TRAPPC9: variants seen among roughly 807,000 people sequenced by gnomAD.
TRAPPC9 encodes the protein trafficking protein particle complex subunit 9, also known as IKK2 binding protein.
TRAPPC9 carries 83 observed loss-of-function variants against 124.0 expected under a neutral mutation model. That is an observed-to-expected ratio of 0.67 (90% confidence interval 0.56 to 0.80). The LOEUF is 0.80. Ranked by LOEUF, TRAPPC9 falls within the 30% of genes least tolerant of loss-of-function variation. The pLI is 0.00. For synonymous variants in TRAPPC9, 638 were observed against 617.5 expected (o/e 1.03, Z -0.49); for missense variants, 1,302 against 1,508.3 (o/e 0.86, Z 2.27).
At chr8:139,931,819 G>A (rs1289424917) in intron 19 of TRAPPC9, 5 of 173,264 alleles carry the variant, frequency 2.9e-5, no homozygotes, top group South Asian at 1.5e-4. Context: ...AGGGAAACAC[G>A]AACAAAAGGA....
At chr8:139,846,317 G>C (rs28505439) in intron 21 of TRAPPC9, among the ~76,000 whole-genome samples, 42,459 of 152,162 alleles carry the variant, frequency 0.28, 6,407 homozygotes, top group East Asian at 0.64. Context: ...CCCGCAGCAG[G>C]CAGCACTGCG....
At chr8:139,795,553 C>T (rs1265322433) in intron 21 of TRAPPC9, among the ~76,000 whole-genome samples, 1 of 57,294 alleles carries the variant, frequency 1.7e-5, no homozygotes, top group African/African-American at 7.4e-5. Context: ...CAAAGCTGGG[C>T]AGGGAGGGGG....
chr8:139,802,695 T>C (rs1823623282), intron 21 of TRAPPC9, among the ~76,000 whole-genome samples: 2 of 152,240 alleles, frequency 1.3e-5, no homozygotes, highest in Non-Finnish European at 2.9e-5. Context: ...TAGTATTCAT[T>C]GCTGACGATG....
At chr8:140,274,814 T>G (rs2065062881) in intron 15 of TRAPPC9, among the ~76,000 whole-genome samples, 1 of 152,142 alleles carries the variant, frequency 6.6e-6, no homozygotes, top group South Asian at 2.1e-4. Flanking sequence ...GATTAGTACA[T>G]CATCTACTGG....
chr8:140,317,083 T>C (rs568243521), intron 9 of TRAPPC9, among the ~76,000 whole-genome samples: 1 of 152,340 alleles, frequency 6.6e-6, no homozygotes, highest in Non-Finnish European at 1.5e-5. Flanking sequence ...TTTTGATCTC[T>C]GATTTTATTG....
chr8:139,919,549 T>C (rs1339808785), intron 19 of TRAPPC9, among the ~76,000 whole-genome samples: 2 of 152,184 alleles, frequency 1.3e-5, no homozygotes, highest in East Asian at 1.9e-4. Flanking sequence ...TAAAGGAAGT[T>C]ATCATGATAA....
intron 6 of TRAPPC9, among the ~76,000 whole-genome samples, chr8:140,401,915 T>C (rs2069290059): frequency 6.6e-6 from 1 of 151,152 alleles, no homozygotes; most frequent in Non-Finnish European, 1.5e-5. Context: ...CATGAGCCAT[T>C]GCACTCAACC....
intron 20 of TRAPPC9, among the ~76,000 whole-genome samples, chr8:139,890,854 A>T (rs530836622): frequency 1.4e-4 from 22 of 152,046 alleles, no homozygotes; most frequent in African/African-American, 5.1e-4. Flanking sequence ...AATAAAAAAT[A>T]AAAAAATTTA....
Position 140,451,355 on chromosome 8 carries a change from T to G in TRAPPC9, c.19A>C (p.Met7Leu). The G allele has an allele frequency of 1.2e-6, 2 of 1,604,366 alleles. No individual in the cohort carries two copies. Among genetic ancestry groups the G allele is most frequent in the South Asian group, 2.2e-5 (2 of 91,052 alleles). The change falls in exon 2 of 23, where the codon ATG becomes CTG. Residue 7 changes from methionine to leucine, a missense_variant. Transcript: ENST00000438773. Reference sequence around the variant, plus strand: ...GTCTGGTGGTCCTCAGCACACTGCATGTAGTCAGGGACGCTCATTTTGAAG... The same window carrying G: ...GTCTGGTGGTCCTCAGCACACTGCAGGTAGTCAGGGACGCTCATTTTGAAG... MSVPDY[M>L]QCAEDHQTLL...
At chr8:140,242,856 G>A (rs549265094) in intron 16 of TRAPPC9, among the ~76,000 whole-genome samples, 558 of 152,322 alleles carry the variant, frequency 3.7e-3, no homozygotes, top group Non-Finnish European at 5.4e-3. Context: ...AGTCACTGGC[G>A]TCTCCCAAGG....
At chr8:140,320,666 A>G (rs1352467298) in intron 9 of TRAPPC9, among the ~76,000 whole-genome samples, 1 of 152,188 alleles carries the variant, frequency 6.6e-6, no homozygotes, top group Admixed American at 6.5e-5. Flanking sequence ...CCTTCTTACA[A>G]AAGAGGCTTG....
At position 140,275,545 on chromosome 8, in the gene TRAPPC9, A is replaced by C. The variant is rs531436964; in HGVS notation, c.2278+113T>G. ...CCTCGCCTGACTTCTACTGACTTCAACTGAATCCACAAAGAAGTTTTTAGA... is the reference window on the plus strand; with the variant it reads ...CCTCGCCTGACTTCTACTGACTTCACCTGAATCCACAAAGAAGTTTTTAGA... On this transcript the variant is annotated intron_variant, in intron 15 of 22. Coordinates refer to ENST00000438773, the MANE Select transcript of TRAPPC9 (RefSeq NM_001160372.4). 1.4e-5 allele frequency: 17 copies of C among 1,241,356 alleles called. No individual in the cohort carries two copies. In the East Asian group the frequency reaches 2.2e-4, roughly 16 times the overall value. 76.9% of individuals were successfully genotyped at this position (1,241,356 alleles called of 1,614,324 possible).
chr8:140,343,177 C>T (rs957492079), intron 9 of TRAPPC9, among the ~76,000 whole-genome samples: 1 of 152,132 alleles, frequency 6.6e-6, no homozygotes, highest in African/African-American at 2.4e-5. Flanking sequence ...TTGAAAACTC[C>T]TCATAAGTGA....
chr8:140,333,467 G>C, intron 9 of TRAPPC9, among the ~76,000 whole-genome samples: 1 of 152,098 alleles, frequency 6.6e-6, no homozygotes, highest in Non-Finnish European at 1.5e-5. Context: ...ATCTCAGCTC[G>C]TTGCAACCTC....
In TRAPPC9 at chr8:139,902,058, TAC is replaced by T. The variant is rs761898330; in HGVS notation, c.2964+8087_2964+8088del. 1.2e-3 allele frequency among the ~76,000 whole-genome samples: 176 copies of T among 152,318 alleles called. 1 individual carries two copies. Among genetic ancestry groups the T allele is most frequent in the Non-Finnish European group, 6.9e-4 (47 of 68,032 alleles). ...CTCACAATAATCATCACGCTAAAAATACAGTGTGTATATGTCCAACATGTACC... is the reference window on the plus strand; with the variant it reads ...CTCACAATAATCATCACGCTAAAAATAGTGTGTATATGTCCAACATGTACC... On this transcript the variant is annotated intron_variant, in intron 20 of 22. Transcript: ENST00000438773.
intron 17 of TRAPPC9, among the ~76,000 whole-genome samples, chr8:140,185,547 G>A (rs191229537): frequency 9.3e-4 from 141 of 152,278 alleles, no homozygotes; most frequent in Non-Finnish European, 1.4e-3. Flanking sequence ...CTGATCCTGC[G>A]AGTACAAGGT....
intron 17 of TRAPPC9, among the ~76,000 whole-genome samples, chr8:140,032,664 A>G (rs1840576633): frequency 6.6e-6 from 1 of 152,202 alleles, no homozygotes; most frequent in Admixed American, 6.5e-5. Flanking sequence ...TGTTTTCAAT[A>G]TTTTGTTATT....
intron 21 of TRAPPC9, among the ~76,000 whole-genome samples, chr8:139,795,450 T>C (rs1822984689): frequency 6.6e-6 from 1 of 151,818 alleles, no homozygotes; most frequent in Non-Finnish European, 1.5e-5. Flanking sequence ...CTTCCACCAC[T>C]TGCAGCCTGT....
intron 17 of TRAPPC9, among the ~76,000 whole-genome samples, chr8:140,151,461 G>A (rs1412959372): frequency 1.3e-5 from 2 of 152,166 alleles, no homozygotes; most frequent in Non-Finnish European, 1.5e-5. Context: ...TCAAGACATC[G>A]GCAGGATTGG....
Sources: allele counts gnomAD v4.1 joint callset (sites outside exome capture counted in the v4.1 genomes callset), GRCh38; gene constraint gnomAD v4.1.1; transcripts MANE v1.5; gene names NCBI Gene and HGNC (gene_info 2026-07-23, HGNC 2026-07-21).